MACROD2: variants seen among roughly 807,000 people sequenced by gnomAD.
MACROD2 encodes ADP-ribose glycohydrolase MACROD2.
MACROD2 carries 36 observed loss-of-function variants against 70.4 expected under a neutral mutation model. The observed-to-expected ratio is 0.51, with a 90% CI of 0.39 to 0.68. The LOEUF (loss-of-function observed/expected upper bound fraction) is 0.68. Among genes scored for constraint, MACROD2 ranks in the 30% least tolerant of loss-of-function variants. The pLI, the probability that MACROD2 is intolerant of heterozygous loss-of-function variation, is 0.00. For missense variants in MACROD2, 496 were observed against 538.4 expected, an observed-to-expected ratio of 0.92 and a Z score of 0.78; for synonymous variants, 172 against 178.8, an observed-to-expected ratio of 0.96 and a Z score of 0.30.
chr20:15,888,432 C>T (rs141811078), intron 10 of MACROD2, among the ~76,000 whole-genome samples: 2,426 of 152,196 alleles, frequency 0.016, 40 homozygotes, highest in Middle Eastern at 0.031. Context: ...TTCAAGCACC[C>T]GGTATAAGGG....
intron 9 of MACROD2, among the ~76,000 whole-genome samples, chr20:15,876,111 A>ATATATATG (rs1555789655): frequency 3.6e-5 from 5 of 138,816 alleles, no homozygotes; most frequent in African/African-American, 1.4e-4. Context: ...ATATATATAT[A>ATATATATG]TGTGTGTATT....
chr20:14,124,058 G>A (rs1213893022), intron 3 of MACROD2, among the ~76,000 whole-genome samples: 1 of 151,884 alleles, frequency 6.6e-6, no homozygotes. Context: ...CTTGAACTAT[G>A]TTTTCTTTGC....
chr20:15,718,109 G>C (rs571380647), intron 8 of MACROD2, among the ~76,000 whole-genome samples: 127 of 150,636 alleles, frequency 8.4e-4, no homozygotes, highest in African/African-American at 2.8e-3. Context: ...AGGTTCAAGT[G>C]ATTCTCCTGC....
chr20:14,376,822 C>T (rs1175610799), intron 3 of MACROD2, among the ~76,000 whole-genome samples: 2 of 150,460 alleles, frequency 1.3e-5, no homozygotes, highest in African/African-American at 4.9e-5. Context: ...TCTTTGGAAC[C>T]ATACTTCCCT....
At chr20:15,822,295 G>A (rs2063947087) in intron 8 of MACROD2, among the ~76,000 whole-genome samples, 1 of 152,090 alleles carries the variant, frequency 6.6e-6, no homozygotes, top group African/African-American at 2.4e-5. Flanking sequence ...TGGTGTGTAT[G>A]TTTTACAATA....
chr20:15,587,251 A>G (rs528728938), intron 8 of MACROD2, among the ~76,000 whole-genome samples: 1 of 152,178 alleles, frequency 6.6e-6, no homozygotes, highest in African/African-American at 2.4e-5. Context: ...TGTGAGACTT[A>G]CTCCCTATCA....
chr20:15,141,932 G>C (rs6110533), intron 5 of MACROD2, among the ~76,000 whole-genome samples: 89,597 of 151,964 alleles, frequency 0.59, 26,545 homozygotes, highest in East Asian at 0.65. Flanking sequence ...AAGTCTTGAT[G>C]CTTCTCCATG....
chr20:14,479,067 A>G (rs1351837009), intron 3 of MACROD2, among the ~76,000 whole-genome samples: 1 of 152,096 alleles, frequency 6.6e-6, no homozygotes, highest in Non-Finnish European at 1.5e-5. Context: ...CCCACCCACA[A>G]GTATCCTGGT....
chr20:14,918,475 G>T (rs1439087477), intron 5 of MACROD2, among the ~76,000 whole-genome samples: 2 of 152,166 alleles, frequency 1.3e-5, no homozygotes, highest in Non-Finnish European at 2.9e-5. Flanking sequence ...CATTGGATAG[G>T]AGAGTAGGCA....
At chr20:15,931,705 A>G (rs1225831923) in intron 10 of MACROD2, among the ~76,000 whole-genome samples, 1 of 151,912 alleles carries the variant, frequency 6.6e-6, no homozygotes, top group Non-Finnish European at 1.5e-5. Flanking sequence ...GGGCTAACCC[A>G]ACACAGGGGG....
At chr20:15,644,543 G>A (rs1460551088) in intron 8 of MACROD2, among the ~76,000 whole-genome samples, 1 of 151,976 alleles carries the variant, frequency 6.6e-6, no homozygotes, top group African/African-American at 2.4e-5. Context: ...TCTTTCTATC[G>A]AGAATTTACT....
intron 8 of MACROD2, among the ~76,000 whole-genome samples, chr20:15,727,209 C>T (rs960476203): frequency 1.3e-5 from 2 of 152,024 alleles, no homozygotes; most frequent in Non-Finnish European, 2.9e-5. Flanking sequence ...GAGTCCTTTC[C>T]CCATTGCTTG....
intron 5 of MACROD2, among the ~76,000 whole-genome samples, chr20:14,775,399 G>C (rs1203650842): frequency 6.6e-6 from 1 of 152,074 alleles, no homozygotes. Flanking sequence ...GTGAGGGCTT[G>C]TAGAAGCTTA....
intron 5 of MACROD2, among the ~76,000 whole-genome samples, chr20:14,959,420 G>T (rs1385654102): frequency 6.6e-6 from 1 of 151,966 alleles, no homozygotes; most frequent in African/African-American, 2.4e-5. Flanking sequence ...ATGAGCCGCC[G>T]CACCCAACTG....
intron 15 of MACROD2, among the ~76,000 whole-genome samples, chr20:16,032,821 AAAG>A (rs2067172950): frequency 2.6e-5 from 4 of 151,648 alleles, no homozygotes; most frequent in Admixed American, 2.6e-4. Context: ...GGGGAGGAAA[AAAG>A]AGAGAAGGAA....
At chr20:15,633,349 G>C (rs1188860539) in intron 8 of MACROD2, among the ~76,000 whole-genome samples, 1 of 152,130 alleles carries the variant, frequency 6.6e-6, no homozygotes, top group Non-Finnish European at 1.5e-5. Context: ...TAAGAAAACA[G>C]CTACTTTCCA....
intron 5 of MACROD2, among the ~76,000 whole-genome samples, chr20:14,769,377 T>C (rs1971110851): frequency 6.6e-6 from 1 of 152,166 alleles, no homozygotes; most frequent in Non-Finnish European, 1.5e-5. Context: ...ACTACACTTA[T>C]TTACTTTTGG....
chr20:14,862,430 A>T (rs868324946), intron 5 of MACROD2, among the ~76,000 whole-genome samples: 1 of 13,626 alleles, frequency 7.3e-5, no homozygotes, highest in African/African-American at 2.9e-4. Flanking sequence ...TATATATATA[A>T]ATATATATAA....
intron 5 of MACROD2, among the ~76,000 whole-genome samples, chr20:15,152,654 G>A (rs1379393757): frequency 7.0e-6 from 1 of 143,188 alleles, no homozygotes; most frequent in African/African-American, 2.6e-5. Flanking sequence ...ACACAGAGAA[G>A]GGGTTGGGGT....
Sources: allele counts gnomAD v4.1 joint callset (sites outside exome capture counted in the v4.1 genomes callset), GRCh38; gene constraint gnomAD v4.1.1; transcripts MANE v1.5; gene names NCBI Gene and HGNC (gene_info 2026-07-23, HGNC 2026-07-21).